GPATCH2L: variants seen among roughly 807,000 people sequenced by gnomAD.
GPATCH2L encodes the protein G-patch domain containing 2 like.
A neutral mutation model predicts 57.4 loss-of-function variants in GPATCH2L; 31 were observed. The ratio of observed to expected loss-of-function variants is 0.54; its 90% CI spans 0.41 to 0.73. The LOEUF (loss-of-function observed/expected upper bound fraction) is 0.73. Ranked by LOEUF, GPATCH2L falls within the 30% of genes least tolerant of loss-of-function variation. The probability of loss-of-function intolerance (pLI) is 0.00; values close to 1 mark genes in which losing one functional copy is unlikely to be tolerated. For synonymous variants in GPATCH2L, 199 were observed against 210.7 expected, an observed-to-expected ratio of 0.94 and a Z score of 0.48; for missense variants, 481 against 599.9, an observed-to-expected ratio of 0.80 and a Z score of 2.07.
intron 6 of GPATCH2L, among the ~76,000 whole-genome samples, chr14:76,177,382 T>TGCTGTAGGAAGCCTGTATGTA: frequency 6.6e-6 from 1 of 152,102 alleles, no homozygotes; most frequent in South Asian, 2.1e-4. Flanking sequence ...CTGTGGTGAG[T>TGCTGTAGGAAGCCTGTATGTA]GCTGTAGGAA....
intron 7 of GPATCH2L, chr14:76,178,596 T>A (rs2139701974): frequency 5.6e-6 from 1 of 177,492 alleles, no homozygotes; most frequent in East Asian, 1.6e-4. Flanking sequence ...CTGGGGGTGA[T>A]GGGAAACAAT....
At chr14:76,228,127 C>T (rs1158937119) in intron 1 of GPATCH2L, among the ~76,000 whole-genome samples, 1 of 152,178 alleles carries the variant, frequency 6.6e-6, no homozygotes, top group Non-Finnish European at 1.5e-5. Flanking sequence ...TTGTCTGGAA[C>T]CAAAGGGTGC....
intron 2 of GPATCH2L, among the ~76,000 whole-genome samples, chr14:76,232,711 G>A (rs1468857422): frequency 2.0e-5 from 3 of 152,206 alleles, no homozygotes; most frequent in Non-Finnish European, 4.4e-5. Context: ...AGTCCAGGAA[G>A]GTTGCAGGCA....
chr14:76,174,139 C>T (rs569655925), intron 5 of GPATCH2L: 1 of 153,896 alleles, frequency 6.5e-6, no homozygotes, highest in Middle Eastern at 3.4e-3. Flanking sequence ...AGGGATGGTA[C>T]TAGGGACTCA....
rs973677059 is a variant in GPATCH2L, at chr14:76,204,518, T to G, written c.*2667T>G. The G allele has an allele frequency of 2.0e-5, 3 of 152,198 alleles. No individual in the cohort carries two copies. Among genetic ancestry groups the G allele is most frequent in the Non-Finnish European group, 4.4e-5 (3 of 68,038 alleles). 9.4% of individuals were successfully genotyped at this position (152,198 alleles called of 1,614,324 possible). On this transcript the variant is annotated 3_prime_UTR_variant, in exon 10 of 10. Coordinates refer to ENST00000261530, the MANE Select transcript of GPATCH2L (RefSeq NM_017926.4). Reference sequence around the variant, plus strand: ...CAGTTCCAGAGGATAGCCTTAGAAATGAGTGTATTTTGAATCTTAAAGTTT... The same window carrying G: ...CAGTTCCAGAGGATAGCCTTAGAAAGGAGTGTATTTTGAATCTTAAAGTTT...
chr14:76,217,527 T>G (rs2040495168), downstream of GPATCH2L, among the ~76,000 whole-genome samples: 2 of 151,920 alleles, frequency 1.3e-5, no homozygotes, highest in African/African-American at 4.8e-5. Context: ...TTGGGACCAA[T>G]AATGTACTCT....
rs2038238117 is a variant in GPATCH2L at position 76,155,006 on chromosome 14, G to A, written c.643G>A (p.Asp215Asn). ...CETDEQKQGSDENMSECETSS... is the reference protein window; with the variant it reads ...CETDEQKQGSNENMSECETSS... ...AACAGATGAACAAAAACAGGGCTCT[G>A]ATGAGAACATGTCAGAATGGTGAGA... The change falls in exon 2 of 10, where the codon GAT becomes AAT. Residue 215 changes from aspartate (D) to asparagine (N), a missense_variant. Coordinates refer to ENST00000261530, the MANE Select transcript of GPATCH2L (RefSeq NM_017926.4). 6.2e-7 allele frequency: 1 copy of A among 1,611,912 alleles called. No individual in the cohort carries two copies. The highest frequency in any genetic ancestry group is 1.7e-5 in the Admixed American group (1 of 59,968).
At chr14:76,197,428 C>T (rs971215290) in intron 9 of GPATCH2L, among the ~76,000 whole-genome samples, 42 of 152,158 alleles carry the variant, frequency 2.8e-4, no homozygotes, top group Admixed American at 2.5e-3. Context: ...GGGAAGTGTA[C>T]GTGTGTGGGG....
rs2038179744 is a variant in GPATCH2L, at chr14:76,154,080, G to A, written c.-10-274G>A. On this transcript the variant is annotated intron_variant, in intron 1 of 9. Transcript: ENST00000261530. The surrounding 1 kb of genome is among the most constrained non-coding windows in gnomAD (Gnocchi z 4.4). ...ATTTGTTTTGGGTCCTGTCCCAGTT[G>A]TCTTCTGGTTAGTAGGTTTTTGTGC... 1 of 295,210 alleles carries A rather than the reference G, an allele frequency of 3.4e-6. No individual in the cohort carries two copies. The allele number at this position is 295,210 out of a possible 1,614,324, so 18.3% of individuals were successfully genotyped here.
chr14:76,188,217 CT>C (rs1464155081), intron 8 of GPATCH2L, among the ~76,000 whole-genome samples: 1 of 152,112 alleles, frequency 6.6e-6, no homozygotes, highest in Non-Finnish European at 1.5e-5. Context: ...GATTTCCTTT[CT>C]TTTGGGTATT....
At position 76,154,467 on chromosome 14, in the gene GPATCH2L, A is replaced by G; in HGVS notation, c.104A>G (p.Gln35Arg). The G allele has an allele frequency of 1.2e-6, 2 of 1,614,182 alleles. No individual in the cohort carries two copies. Among genetic ancestry groups the G allele is most frequent in the Non-Finnish European group, 1.7e-6 (2 of 1,180,036 alleles). The change falls in exon 2 of 10, where the codon CAG becomes CGG. Residue 35 changes from glutamine to arginine, a missense_variant. Transcript: ENST00000261530. The surrounding 1 kb of genome is among the most constrained non-coding windows in gnomAD (Gnocchi z 4.4). The part of the protein sequence containing the change: ...WEEMALSPRQ[Q>R]RRQLRKRRGR... ...GAGATGGCGCTGAGCCCCCGACAGC[A>G]GAGGCGGCAGCTTCGGAAACGCCGA... is the stretch of plus-strand genomic sequence containing the variant.
In GPATCH2L at chr14:76,212,239, A is replaced by C. The variant is rs2040448311; in HGVS notation, c.*10388A>C. ...ACAAATGTACCTGTCATATTAATAA[A>C]AGTAAACTTATCTGTAGATAAAAGG... On this transcript the variant is annotated 3_prime_UTR_variant, in exon 10 of 10. Coordinates refer to ENST00000261530, the MANE Select transcript of GPATCH2L (RefSeq NM_017926.4). 6.6e-6 allele frequency: 1 copy of C among 152,164 alleles called. No individual in the cohort carries two copies. Among genetic ancestry groups the C allele is most frequent in the Admixed American group, 6.5e-5 (1 of 15,270 alleles). 9.4% of individuals were successfully genotyped at this position (152,164 alleles called of 1,614,324 possible). A position where few individuals can be genotyped will look rare whatever the true frequency, so the allele number is the denominator to read the frequency against.
At chr14:76,192,782 T>G (rs1220268826) in intron 8 of GPATCH2L, among the ~76,000 whole-genome samples, 2 of 152,146 alleles carry the variant, frequency 1.3e-5, no homozygotes, top group Non-Finnish European at 2.9e-5. Flanking sequence ...ACTTTTACAA[T>G]AAAATAATTC....
intron 9 of GPATCH2L, among the ~76,000 whole-genome samples, chr14:76,199,929 T>C (rs11159185): frequency 0.56 from 85,762 of 152,134 alleles, 26,461 homozygotes; most frequent in South Asian, 0.77. Flanking sequence ...TGTCCATTGC[T>C]GGATGAATGG....
At chr14:76,188,685 GC>G (rs1566805268) in intron 8 of GPATCH2L, among the ~76,000 whole-genome samples, 1 of 151,902 alleles carries the variant, frequency 6.6e-6, no homozygotes, top group Non-Finnish European at 1.5e-5. Context: ...TGTTTCCTTT[GC>G]TGTGCAGAAG....
chr14:76,157,812 C>G (rs2038381514), intron 2 of GPATCH2L, among the ~76,000 whole-genome samples: 1 of 152,084 alleles, frequency 6.6e-6, no homozygotes, highest in African/African-American at 2.4e-5. Context: ...GTTTGCTTTT[C>G]TGTTTCTGGT....
chr14:76,201,021 T>C (rs774291754), intron 9 of GPATCH2L, among the ~76,000 whole-genome samples: 1 of 152,158 alleles, frequency 6.6e-6, no homozygotes, highest in Non-Finnish European at 1.5e-5. Flanking sequence ...GATCGGTAAG[T>C]GTTCTGAAGT....
chr14:76,173,329 T>G (rs562012860), intron 4 of GPATCH2L, among the ~76,000 whole-genome samples: 11 of 152,200 alleles, frequency 7.2e-5, no homozygotes, highest in African/African-American at 2.6e-4. Flanking sequence ...CTTTTATAGA[T>G]GGAGGATGCC....
chr14:76,197,042 A>G (rs2139809885), intron 9 of GPATCH2L, among the ~76,000 whole-genome samples: 1 of 152,262 alleles, frequency 6.6e-6, no homozygotes. Flanking sequence ...AATCTTTGCA[A>G]CAGCCTTATA....
Sources: gnomAD v4.1 joint callset for allele counts (sites outside exome capture counted in the v4.1 genomes callset) on GRCh38, gnomAD v4.1.1 for gene constraint, Gnocchi (gnomAD v3.1) non-coding constraint, MANE v1.5 for transcripts, NCBI Gene and HGNC (gene_info 2026-07-23, HGNC 2026-07-21) for gene names.